PCDHGB2: variants seen among roughly 807,000 people sequenced by gnomAD.
PCDHGB2 encodes the protein protocadherin gamma-B2.
In PCDHGB2, 55 loss-of-function variants were observed where a neutral mutation model predicts 59.3. The ratio of observed to expected loss-of-function variants is 0.93; its 90% confidence interval spans 0.75 to 1.16. The LOEUF (loss-of-function observed/expected upper bound fraction) is 1.16, where lower values mean the gene tolerates loss of function less well. PCDHGB2 is among the 50% of genes most tolerant of loss of function. The probability of loss-of-function intolerance (pLI) is 0.00; values close to 1 mark genes in which losing one functional copy is unlikely to be tolerated. For synonymous variants in PCDHGB2, 516 were observed against 512.0 expected (o/e 1.01, Z -0.11); for missense variants, 1,228 against 1,198.5 (o/e 1.02, Z -0.36).
intron 1 of PCDHGB2, chr5:141,397,890 A>G: frequency 3.2e-6 from 2 of 628,782 alleles, no homozygotes; most frequent in Non-Finnish European, 5.3e-6. Context: ...GCTGTTGGCC[A>G]AAGTGCAGAG....
At position 141,389,707 on chromosome 5, in the gene PCDHGB2, A is replaced by G; in HGVS notation, c.2421+27151A>G. 1 of 1,612,620 alleles carries G rather than the reference A, an allele frequency of 6.2e-7. No homozygotes were observed. Among genetic ancestry groups the G allele is most frequent in the African/African-American group, 1.3e-5 (1 of 75,046 alleles). The stretch of plus-strand genomic sequence containing the variant: ...GCCTGGCTGTCCTACCACGTGCTGC[A>G]GGCTAGCGAGCCCGGGCTCTTCAGC... On this transcript the variant is annotated intron_variant, in intron 1 of 3. Coordinates refer to ENST00000522605, the MANE Select transcript of PCDHGB2 (RefSeq NM_018923.3).
chr5:141,371,456 A>T (rs755481962), intron 1 of PCDHGB2: 2 of 1,613,902 alleles, frequency 1.2e-6, no homozygotes, highest in African/African-American at 2.7e-5. Flanking sequence ...CTGAATCCCA[A>T]CATATACAAG....
intron 1 of PCDHGB2, chr5:141,365,377 C>T (rs1259011654): frequency 3.1e-6 from 5 of 1,613,982 alleles, no homozygotes; most frequent in Non-Finnish European, 4.2e-6. Context: ...AAGTGATCCT[C>T]ACCTCTCTGA....
chr5:141,423,226 G>A lies in PCDHGB2; in HGVS notation c.2421+60670G>A, dbSNP rs775936938. On this transcript the variant is annotated intron_variant, in intron 1 of 3. Coordinates refer to ENST00000522605, the MANE Select transcript of PCDHGB2 (RefSeq NM_018923.3). The stretch of plus-strand genomic sequence containing the variant: ...CGTCACGCTCACCGTGGCTGTGGCC[G>A]ACAGCATCCCCGAAGTCCTGGCGGA... The A allele has an allele frequency of 2.2e-5, 36 of 1,613,708 alleles. No homozygotes were observed. The highest frequency in any genetic ancestry group is 2.6e-5 in the Non-Finnish European group (31 of 1,180,034).
intron 1 of PCDHGB2, among the ~76,000 whole-genome samples, chr5:141,445,700 A>G (rs2098474731): frequency 6.6e-6 from 1 of 152,216 alleles, no homozygotes; most frequent in Non-Finnish European, 1.5e-5. Flanking sequence ...TAAAAAAGAA[A>G]TTGTCAGGCA....
At chr5:141,384,886 G>A in intron 1 of PCDHGB2, 1 of 1,613,822 alleles carries the variant, frequency 6.2e-7, no homozygotes. Context: ...ACTCACCGTG[G>A]CTGTGGCTGA....
At chr5:141,427,992 T>C in intron 1 of PCDHGB2, 1 of 1,599,002 alleles carries the variant, frequency 6.3e-7, no homozygotes, top group Non-Finnish European at 8.6e-7. Context: ...GCCCGATGGC[T>C]CCGCACTCTT....
chr5:141,510,032 T>C (rs1410346284), intron 3 of PCDHGB2, among the ~76,000 whole-genome samples: 3 of 152,150 alleles, frequency 2.0e-5, no homozygotes, highest in Non-Finnish European at 4.4e-5. Flanking sequence ...GCTGGGCTGT[T>C]ATGTAGAGGT....
At chr5:141,423,119 G>T (rs769320490) in intron 1 of PCDHGB2, 2 of 1,613,774 alleles carry the variant, frequency 1.2e-6, no homozygotes, top group Non-Finnish European at 1.7e-6. Context: ...CGTACAGCGC[G>T]GGCACTGCTG....
chr5:141,474,579 G>A (rs1340685342), intron 1 of PCDHGB2, among the ~76,000 whole-genome samples: 3 of 152,196 alleles, frequency 2.0e-5, no homozygotes, highest in Non-Finnish European at 4.4e-5. Flanking sequence ...TAATTGAAGT[G>A]TTAAAGACAT....
At chr5:141,388,655 G>A (rs375260597) in intron 1 of PCDHGB2, 1 of 1,613,808 alleles carries the variant, frequency 6.2e-7, no homozygotes, top group Non-Finnish European at 8.5e-7. Flanking sequence ...ACGTGTACCC[G>A]GGGACCACGG....
intron 1 of PCDHGB2, chr5:141,366,337 T>C (rs370359448): frequency 2.7e-5 from 44 of 1,613,760 alleles, no homozygotes; most frequent in East Asian, 2.2e-5. Flanking sequence ...ACAGGATCCC[T>C]GACATCCTGG....
chr5:141,478,489 C>T (rs779457709), intron 1 of PCDHGB2: 99 of 1,613,162 alleles, frequency 6.1e-5, no homozygotes, highest in Non-Finnish European at 8.1e-5. Context: ...CGCTGCGGAG[C>T]TGTGATCCGG....
rs753872725 is a variant in PCDHGB2, at chr5:141,423,153, C to T, written c.2421+60597C>T. ...TGGACAGAGACGCGCTCAAGCAGAG[C>T]CTCGTGGTGGCCGTCCAGGACCACG... On this transcript the variant is annotated intron_variant, in intron 1 of 3. Transcript: ENST00000522605. The T allele has an allele frequency of 3.7e-6, 6 of 1,613,482 alleles. No homozygotes were observed. The East Asian group carries it at 8.9e-5, about 24-fold the overall frequency.
At chr5:141,411,846 T>C (rs962000304) in intron 1 of PCDHGB2, 1 of 151,734 alleles carries the variant, frequency 6.6e-6, no homozygotes, top group African/African-American at 2.4e-5. Context: ...GGTGACAGAG[T>C]GAGACCCTGT....
chr5:141,476,306 C>T lies in PCDHGB2; in HGVS notation c.2422-18501C>T, dbSNP rs1011265476. The T allele has an allele frequency of 1.2e-6, 2 of 1,613,464 alleles. No homozygotes were observed. Among genetic ancestry groups the T allele is most frequent in the African/African-American group, 2.7e-5 (2 of 74,688 alleles). On this transcript the variant is annotated intron_variant, in intron 1 of 3. Transcript: ENST00000522605. The surrounding 1 kb of genome is among the most constrained non-coding windows in gnomAD (Gnocchi z 7.6). ...TTTGGATCTCGGTAGCCTCTCAGCCCGCAGGTTCCGGGTGGTGTCTGGAGC... is the reference window on the plus strand; with the variant it reads ...TTTGGATCTCGGTAGCCTCTCAGCCTGCAGGTTCCGGGTGGTGTCTGGAGC...
intron 1 of PCDHGB2, chr5:141,382,950 C>T: frequency 6.2e-7 from 1 of 1,600,458 alleles, no homozygotes; most frequent in African/African-American, 1.3e-5. Context: ...TCCTGCTCTC[C>T]ATCCTCCTGG....
At chr5:141,419,436 G>T (rs756968644) in intron 1 of PCDHGB2, 1 of 1,613,144 alleles carries the variant, frequency 6.2e-7, no homozygotes, top group East Asian at 2.2e-5. Context: ...GAGCAGCTGC[G>T]CACCTTCGAG....
intron 1 of PCDHGB2, chr5:141,392,860 T>C (rs726684): frequency 6.2e-7 from 1 of 1,612,118 alleles, no homozygotes; most frequent in Non-Finnish European, 8.5e-7. Flanking sequence ...CTGATCCTGC[T>C]GTGCGCGCTG....
Sources: gnomAD v4.1 joint callset for allele counts (sites outside exome capture counted in the v4.1 genomes callset) on GRCh38, gnomAD v4.1.1 for gene constraint, Gnocchi (gnomAD v3.1) non-coding constraint, MANE v1.5 for transcripts, NCBI Gene and HGNC (gene_info 2026-07-23, HGNC 2026-07-21) for gene names.